The following LRP8 variants were observed in gnomAD, a reference collection of about 807,000 sequenced individuals.
The protein encoded by LRP8 is low-density lipoprotein receptor-related protein 8.
LRP8 carries 46 observed loss-of-function variants against 111.6 expected under a neutral mutation model. The ratio of observed to expected loss-of-function variants is 0.41; its 90% CI spans 0.33 to 0.53. LRP8 has a LOEUF of 0.53. Ranked by LOEUF, LRP8 falls within the 20% of genes least tolerant of loss-of-function variation. The pLI is 0.20. For missense variants in LRP8, 959 were observed against 1,297.4 expected (o/e 0.74, Z 4.01); for synonymous variants, 464 against 511.2 (o/e 0.91, Z 1.24).
chr1:53,282,770 G>C (rs1370318174), intron 3 of LRP8, among the ~76,000 whole-genome samples: 2 of 152,134 alleles, frequency 1.3e-5, no homozygotes, highest in Non-Finnish European at 2.9e-5. Context: ...GGAACCCCTG[G>C]GTTGGTTAAC....
In LRP8 at chr1:53,276,059, C is replaced by A. The variant is rs369607250; in HGVS notation, c.884-306G>T. Among the ~76,000 whole-genome samples, 11 of 152,232 alleles carry A rather than the reference C, an allele frequency of 7.2e-5. 1 individual carries two copies. The East Asian group carries it at 2.1e-3, about 29-fold the overall frequency. ...AGGGCCACTCCTCAGAACAGACACA[C>A]GGCCTTCTTTTGAGTCTTGGTGCTC... is the stretch of plus-strand genomic sequence containing the variant. On this transcript the variant is annotated intron_variant, in intron 5 of 18. Transcript: ENST00000306052.
At chr1:53,312,546 C>T (rs1030537634) in intron 2 of LRP8, among the ~76,000 whole-genome samples, 7 of 150,708 alleles carry the variant, frequency 4.6e-5, no homozygotes, top group Non-Finnish European at 8.8e-5. Context: ...TTTTGAGAGA[C>T]GGAGTCTCAC....
At chr1:53,265,759 G>GT (rs1409837241) in intron 9 of LRP8, among the ~76,000 whole-genome samples, 1 of 152,222 alleles carries the variant, frequency 6.6e-6, no homozygotes, top group Non-Finnish European at 1.5e-5. Flanking sequence ...CAGTGACTCA[G>GT]TGTCTACCCA....
intron 2 of LRP8, among the ~76,000 whole-genome samples, chr1:53,315,175 T>C (rs1188984243): frequency 6.6e-6 from 1 of 152,096 alleles, no homozygotes; most frequent in South Asian, 2.1e-4. Context: ...ATGAGGTCCC[T>C]AGAAGGCCTC....
chr1:53,292,725 C>T (rs1572577685), intron 2 of LRP8, among the ~76,000 whole-genome samples: 1 of 152,180 alleles, frequency 6.6e-6, no homozygotes, highest in South Asian at 2.1e-4. Flanking sequence ...TGGCAGGGGG[C>T]CTGCTATGTA....
In LRP8 at chr1:53,262,498, G is replaced by A. The variant is rs759967814; in HGVS notation, c.1722C>T (p.Asp574=). ...TATTGTCTGACACCAGTGTTTGCCGGTCCACACCGTTGAGCCCAGATTTCT... is the reference window on the plus strand; with the variant it reads ...TATTGTCTGACACCAGTGTTTGCCGATCCACACCGTTGAGCCCAGATTTCT... The part of the protein sequence containing the change: ...KIEKSGLNGV[D]RQTLVSDNIE... Residue 574 remains aspartate, a synonymous_variant, in exon 11 of 19, where the codon GAC becomes GAT. Coordinates refer to ENST00000306052, the MANE Select transcript of LRP8 (RefSeq NM_004631.5). The surrounding 1 kb of genome is among the most constrained non-coding windows in gnomAD (Gnocchi z 4.8). 3.1e-6 allele frequency: 5 copies of A among 1,614,180 alleles called. No homozygotes were observed. Among genetic ancestry groups the A allele is most frequent in the Middle Eastern group, 1.6e-4 (1 of 6,062 alleles).
rs776689982 is a variant in LRP8 at position 53,266,580 on chromosome 1, C to T, written c.1320G>A (p.Arg440=). 1.9e-6 allele frequency: 3 copies of T among 1,614,148 alleles called. No homozygotes were observed. The highest frequency in any genetic ancestry group is 2.5e-6 in the Non-Finnish European group (3 of 1,180,036). The change falls in exon 9 of 19, where the codon CGG becomes CGA. Residue 440 remains arginine (R), a synonymous_variant. Coordinates refer to ENST00000306052, the MANE Select transcript of LRP8 (RefSeq NM_004631.5). This position sits in a 1 kb window ranked among gnomAD's most constrained non-coding sequence, Gnocchi z 5.0. ...GCATGGGGATGAGGCGTGAATAGTT[C>T]CGCTTCACCAGGTCGATCCTCCGCA... ...HEVRRIDLVK[R]NYSRLIPMLK...
chr1:53,327,136 C>T (rs2100560909), intron 1 of LRP8, 144 bp from the exon 2 acceptor site: 2 of 1,130,456 alleles, frequency 1.8e-6, no homozygotes, highest in Admixed American at 5.3e-5. Flanking sequence ...ACACTCCATC[C>T]AAAGGGAGGG....
At chr1:53,304,974 C>G (rs993063485) in intron 2 of LRP8, 1 of 152,318 alleles carries the variant, frequency 6.6e-6, no homozygotes, top group South Asian at 2.1e-4. Context: ...ATGGCTCCCC[C>G]AGTAAGACAG....
At chr1:53,259,866 C>A (rs749348161) in intron 13 of LRP8, among the ~76,000 whole-genome samples, 3 of 152,202 alleles carry the variant, frequency 2.0e-5, no homozygotes, top group Non-Finnish European at 4.4e-5. Context: ...AATCAGGCAC[C>A]AATCTTAGCT....
rs1400660900 is a variant in LRP8, at chr1:53,317,139, C to T, written c.244+9734G>A. ...TCTGAGAGTGTAGGGCAGCAGATGG[C>T]GGCTCAGGGTCCAGGAAGTGGGGGA... On this transcript the variant is annotated intron_variant, in intron 2 of 18. Coordinates refer to ENST00000306052, the MANE Select transcript of LRP8 (RefSeq NM_004631.5). This position sits in a 1 kb window ranked among gnomAD's most constrained non-coding sequence, Gnocchi z 4.9. Among the ~76,000 whole-genome samples, 4 of 141,044 alleles carry T rather than the reference C, an allele frequency of 2.8e-5. No individual in the cohort carries two copies. The highest frequency in any genetic ancestry group is 2.6e-4 in the South Asian group (1 of 3,790). 92.5% of individuals were successfully genotyped at this position (141,044 alleles called of 152,430 possible). A position where few individuals can be genotyped will look rare whatever the true frequency, so the allele number is the denominator to read the frequency against.
At chr1:53,308,035 C>T (rs148809411) in intron 2 of LRP8, among the ~76,000 whole-genome samples, 6 of 152,204 alleles carry the variant, frequency 3.9e-5, no homozygotes, top group South Asian at 2.1e-4. Flanking sequence ...GCAGCCCTGG[C>T]GGAGTGGTCT....
chr1:53,316,595 T>C (rs1443897399), intron 2 of LRP8, among the ~76,000 whole-genome samples: 1 of 152,200 alleles, frequency 6.6e-6, no homozygotes, highest in East Asian at 1.9e-4. Context: ...GAGCACCCTG[T>C]ACCTGGGGCC....
chr1:53,270,439 C>T (rs1225302853), intron 8 of LRP8, among the ~76,000 whole-genome samples: 2 of 152,168 alleles, frequency 1.3e-5, no homozygotes. Flanking sequence ...TGCTATACAA[C>T]CTTCCTAGGG....
At chr1:53,297,465 G>C (rs116175622) in intron 2 of LRP8, among the ~76,000 whole-genome samples, 1 of 152,148 alleles carries the variant, frequency 6.6e-6, no homozygotes, top group Non-Finnish European at 1.5e-5. Context: ...GGCGGGACTC[G>C]GTGCGTGGCT....
chr1:53,291,682 T>C (rs776633434), intron 2 of LRP8: 3 of 152,208 alleles, frequency 2.0e-5, no homozygotes, highest in Non-Finnish European at 4.4e-5. Context: ...AAGGGCCAGA[T>C]AGTAGCTATT....
At position 53,294,689 on chromosome 1, in the gene LRP8, C is replaced by T. The variant is rs909879382; in HGVS notation, c.245-5000G>A. Among the ~76,000 whole-genome samples the T allele has an allele frequency of 1.3e-5, 2 of 152,224 alleles. No individual in the cohort carries two copies. Among genetic ancestry groups the T allele is most frequent in the African/African-American group, 2.4e-5 (1 of 41,454 alleles). ...CCGTCAAACCTTCTGAGCTTGCCTC[C>T]TCCTCATCAGGAAATGGAGGTGTGG... On this transcript the variant is annotated intron_variant, in intron 2 of 18. Transcript: ENST00000306052. The surrounding 1 kb of genome is among the most constrained non-coding windows in gnomAD (Gnocchi z 4.1).
At chr1:53,326,253 A>T (rs751035157) in intron 2 of LRP8, among the ~76,000 whole-genome samples, 9 of 152,336 alleles carry the variant, frequency 5.9e-5, no homozygotes, top group Non-Finnish European at 1.2e-4. Flanking sequence ...CTACCACCCT[A>T]AGGATATGCG....
chr1:53,276,754 T>C lies in LRP8; in HGVS notation c.821A>G (p.His274Arg). 6.7e-7 allele frequency: 1 copy of C among 1,484,108 alleles called. No homozygotes were observed. Among genetic ancestry groups the C allele is most frequent in the Non-Finnish European group, 9.0e-7 (1 of 1,116,904 alleles). 91.9% of individuals were successfully genotyped at this position (1,484,108 alleles called of 1,614,324 possible). The change falls in exon 5 of 19, where the codon CAC becomes CGC. Residue 274 changes from histidine (H) to arginine (R), a missense_variant. Physicochemically the swap from His to Arg is conservative, Grantham distance 29. Coordinates refer to ENST00000306052, the MANE Select transcript of LRP8 (RefSeq NM_004631.5). ...GTCGCCGTCGCAGCGCCAGCCCAGG[T>C]GCACGCACTCGCCGCTGCGGCAGGC... Reference protein sequence around the residue: ...QFACRSGECVHLGWRCDGDRD... With the variant: ...QFACRSGECVRLGWRCDGDRD...
Sources: gnomAD v4.1 joint callset for allele counts (sites outside exome capture counted in the v4.1 genomes callset) on GRCh38, gnomAD v4.1.1 for gene constraint, Gnocchi (gnomAD v3.1) non-coding constraint, MANE v1.5 for transcripts, NCBI Gene and HGNC (gene_info 2026-07-23, HGNC 2026-07-21) for gene names.